POLDIP2: variants seen among roughly 807,000 people sequenced by gnomAD.
POLDIP2 encodes the protein polymerase delta-interacting protein 2.
POLDIP2 carries 32 observed loss-of-function variants against 52.9 expected under a neutral mutation model. That is an observed-to-expected ratio of 0.61 (90% confidence interval 0.46 to 0.81). The LOEUF is 0.81. POLDIP2 is among the 40% of genes least tolerant of loss of function. The probability of loss-of-function intolerance (pLI) is 0.00; values close to 1 mark genes in which losing one functional copy is unlikely to be tolerated. For missense variants in POLDIP2, 371 were observed against 477.3 expected (o/e 0.78, Z 2.07); for synonymous variants, 183 against 183.0 (o/e 1.00, Z 0.00).
In POLDIP2 at chr17:28,349,095, C is replaced by CTCACCACA; in HGVS notation, c.979_980insTGTGGTGA (p.Ser327MetfsTer3). Reference sequence around the variant, plus strand: ...CACACTCACTCACCACATGTGCCCACTGGAAGCCTGCAGCGAGACGTGGCT... The same window carrying CTCACCACA: ...CACACTCACTCACCACATGTGCCCACTCACCACATGGAAGCCTGCAGCGAGACGTGGCT... On this transcript the variant is annotated stop_gained and frameshift_variant, in exon 10 of 11. Coordinates refer to ENST00000540200, the MANE Select transcript of POLDIP2 (RefSeq NM_015584.5). LOFTEE classifies it high-confidence loss of function. 4 of 1,612,606 alleles carry CTCACCACA rather than the reference C, an allele frequency of 2.5e-6. No individual in the cohort carries two copies. The highest frequency in any genetic ancestry group is 1.7e-6 in the Non-Finnish European group (2 of 1,178,952).
intron 2 of POLDIP2, among the ~76,000 whole-genome samples, chr17:28,355,117 G>C (rs901872769): frequency 6.6e-6 from 1 of 152,124 alleles, no homozygotes; most frequent in Non-Finnish European, 1.5e-5. Context: ...ATTTTATTAC[G>C]GCAAAGCATC....
chr17:28,354,414 C>G, intron 3 of POLDIP2, 74 bp downstream of exon 3: 1 of 1,050,204 alleles, frequency 9.5e-7, no homozygotes, highest in South Asian at 1.4e-5. Context: ...TGTCTTCACC[C>G]CTAGTACCCC....
intron 9 of POLDIP2, 71 bp from the exon 10 acceptor site, chr17:28,349,233 G>A: frequency 9.2e-7 from 1 of 1,085,956 alleles, no homozygotes; most frequent in South Asian, 1.4e-5. Flanking sequence ...AGGGTTACAT[G>A]CTGACTGCCA....
chr17:28,352,428 G>C (rs1231893820), intron 6 of POLDIP2, among the ~76,000 whole-genome samples: 1 of 151,498 alleles, frequency 6.6e-6, no homozygotes, highest in African/African-American at 2.4e-5. Context: ...AGTAGAAACA[G>C]GGTTTCACCA....
Position 28,353,000 on chromosome 17 carries a change from A to T in POLDIP2, c.534T>A (p.His178Gln). 1 of 1,126,630 alleles carries T rather than the reference A, an allele frequency of 8.9e-7. No individual in the cohort carries two copies. Among genetic ancestry groups the T allele is most frequent in the Non-Finnish European group, 1.4e-6 (1 of 734,738 alleles). 69.8% of individuals were successfully genotyped at this position (1,126,630 alleles called of 1,614,324 possible). ...YAIPGLDYVS[H>Q]EDILPYTSTD... ...TGGAGGTGTAGGGGAGGATGTCTTC[A>T]TGGCTGACATAGTCCAAGCCTGGCA... Residue 178 changes from histidine (H) to glutamine (Q), a missense_variant, in exon 6 of 11, where the codon CAT becomes CAA. Coordinates refer to ENST00000540200, the MANE Select transcript of POLDIP2 (RefSeq NM_015584.5).
In POLDIP2 at chr17:28,347,244, C is replaced by T. The variant is rs1907611625; in HGVS notation, c.*873G>A. On this transcript the variant is annotated 3_prime_UTR_variant, in exon 11 of 11. Coordinates refer to ENST00000540200, the MANE Select transcript of POLDIP2 (RefSeq NM_015584.5). ...CTACCTCTAACAATCACTGCAGTGG[C>T]GGAGGAAAAGAAATCCTAAGAATTG... is the stretch of plus-strand genomic sequence containing the variant. 2.0e-5 allele frequency: 3 copies of T among 152,226 alleles called. No homozygotes were observed. Among genetic ancestry groups the T allele is most frequent in the African/African-American group, 7.2e-5 (3 of 41,454 alleles). 9.4% of individuals were successfully genotyped at this position (152,226 alleles called of 1,614,324 possible).
rs1555579140 is a variant in POLDIP2, at chr17:28,347,222, C to T, written c.*895G>A. On this transcript the variant is annotated 3_prime_UTR_variant, in exon 11 of 11. Coordinates refer to ENST00000540200, the MANE Select transcript of POLDIP2 (RefSeq NM_015584.5). Reference sequence around the variant, plus strand: ...ATTTAATATTAATTCAAGAAAACTACCTCTAACAATCACTGCAGTGGCGGA... The same window carrying T: ...ATTTAATATTAATTCAAGAAAACTATCTCTAACAATCACTGCAGTGGCGGA... 6.6e-6 allele frequency: 1 copy of T among 152,246 alleles called. No homozygotes were observed. Among genetic ancestry groups the T allele is most frequent in the Non-Finnish European group, 1.5e-5 (1 of 68,054 alleles). 9.4% of individuals were successfully genotyped at this position (152,246 alleles called of 1,614,324 possible). A position where few individuals can be genotyped will look rare whatever the true frequency, so the allele number is the denominator to read the frequency against.
Position 28,354,593 on chromosome 17 carries a change from G to T in POLDIP2, c.244-8C>A. 2 of 1,543,076 alleles carry T rather than the reference G, an allele frequency of 1.3e-6. No homozygotes were observed. Among genetic ancestry groups the T allele is most frequent in the Non-Finnish European group, 1.8e-6 (2 of 1,138,652 alleles). ...AATGCTATGAAGGAAAAGCTGGAAG[G>T]AAAGAGGGGCCTCAGTGAGTCTGCA... On this transcript the variant is annotated splice_region_variant and splice_polypyrimidine_tract_variant and intron_variant, in intron 2 of 10. Transcript: ENST00000540200.
At chr17:28,348,266 A>T in intron 10 of POLDIP2, 35 bp from the exon 11 acceptor site, 4 of 1,432,222 alleles carry the variant, frequency 2.8e-6, no homozygotes, top group Non-Finnish European at 3.9e-6. Flanking sequence ...AGAAGGAGCC[A>T]GGGCTGAGGC....
chr17:28,357,043 T>C (rs971846834), intron 1 of POLDIP2, among the ~76,000 whole-genome samples: 8 of 152,236 alleles, frequency 5.3e-5, no homozygotes, highest in East Asian at 1.9e-4. Context: ...TAGGATTCAC[T>C]TGGGGAGGGT....
In POLDIP2 at chr17:28,348,056, T is replaced by C. The variant is rs1293157743; in HGVS notation, c.*61A>G. On this transcript the variant is annotated 3_prime_UTR_variant, in exon 11 of 11. Transcript: ENST00000540200. ...TGGGGAGAGAAGAGTTCTGCAGCAA[T>C]TGTGGGATGAGAGTTGTTCTTCCCG... 3 of 928,186 alleles carry C rather than the reference T, an allele frequency of 3.2e-6. No homozygotes were observed. The highest frequency in any genetic ancestry group is 5.3e-6 in the Non-Finnish European group (3 of 563,128). The allele number at this position is 928,186 out of a possible 1,614,324, so 57.5% of individuals were successfully genotyped here.
rs1907880626 is a variant in POLDIP2 at position 28,353,260 on chromosome 17, C to G, written c.495G>C (p.Arg165=). The G allele has an allele frequency of 6.3e-7, 1 of 1,585,846 alleles. No individual in the cohort carries two copies. Among genetic ancestry groups the G allele is most frequent in the Non-Finnish European group, 8.6e-7 (1 of 1,156,442 alleles). The part of the protein sequence containing the change: ...VTFLANHDDS[R]ALYAIPGLDY... ...ACTCACCTGGGATGGCATAGAGGGC[C>G]CGACTGTCATCATGGTTAGCCAAGA... is the stretch of plus-strand genomic sequence containing the variant. Residue 165 remains arginine (R), a synonymous_variant, in exon 5 of 11, where the codon CGG becomes CGC. Coordinates refer to ENST00000540200, the MANE Select transcript of POLDIP2 (RefSeq NM_015584.5).
chr17:28,354,424 C>T (rs1555580551), intron 3 of POLDIP2, 64 bp downstream of exon 3: 7 of 1,139,768 alleles, frequency 6.1e-6, no homozygotes, highest in Non-Finnish European at 9.1e-6. Flanking sequence ...CCTAGTACCC[C>T]AATTACATAT....
chr17:28,350,710 C>T (rs534934287), intron 8 of POLDIP2, 56 bp downstream of exon 8: 1 of 1,575,116 alleles, frequency 6.3e-7, no homozygotes, highest in East Asian at 2.3e-5. Flanking sequence ...CCCACCTCCA[C>T]CCTGACCCCC....
At chr17:28,355,603 G>A (rs113687588) in intron 2 of POLDIP2, among the ~76,000 whole-genome samples, 192 bp downstream of exon 2, 7 of 151,826 alleles carry the variant, frequency 4.6e-5, no homozygotes, top group East Asian at 1.9e-4. Context: ...CTGAAACTCC[G>A]TCTCACAAAA....
intron 3 of POLDIP2, 138 bp downstream of exon 3, chr17:28,354,350 G>T: frequency 9.3e-6 from 6 of 647,910 alleles, no homozygotes; most frequent in South Asian, 7.4e-5. Flanking sequence ...TGTCTCCATG[G>T]GTCTTAGTCC....
intron 2 of POLDIP2, among the ~76,000 whole-genome samples, chr17:28,355,295 C>A (rs1466658082): frequency 6.6e-6 from 1 of 152,226 alleles, no homozygotes. Flanking sequence ...TCCAGGAGAA[C>A]AGAAACCCTA....
chr17:28,355,687 A>T, intron 2 of POLDIP2, 108 bp downstream of exon 2: 1 of 519,566 alleles, frequency 1.9e-6, no homozygotes, highest in Non-Finnish European at 3.5e-6. Flanking sequence ...CCAAACATCA[A>T]GGTGGAATGA....
chr17:28,354,692 T>G, intron 2 of POLDIP2, 107 bp from the exon 3 acceptor site: 1 of 712,478 alleles, frequency 1.4e-6, no homozygotes, highest in South Asian at 1.5e-5. Context: ...CACAAGGTCT[T>G]GCTACCTCTT....
Sources: allele counts gnomAD v4.1 joint callset (sites outside exome capture counted in the v4.1 genomes callset), GRCh38; gene constraint gnomAD v4.1.1; transcripts MANE v1.5; gene names NCBI Gene and HGNC (gene_info 2026-07-23, HGNC 2026-07-21).